EPS15: variants seen among roughly 807,000 people sequenced by gnomAD.
EPS15 encodes epidermal growth factor receptor substrate 15.
EPS15 carries 72 observed loss-of-function variants against 113.8 expected under a neutral mutation model. The observed-to-expected ratio is 0.63, with a 90% CI of 0.52 to 0.77. EPS15 has a LOEUF of 0.77. EPS15 is among the 30% of genes least tolerant of loss of function. The pLI is 0.00. For synonymous variants in EPS15, 344 were observed against 363.4 expected (o/e 0.95, Z 0.61); for missense variants, 1,048 against 1,045.8 (o/e 1.00, Z -0.03).
chr1:51,356,743 T>C lies in EPS15; in HGVS notation c.2648A>G (p.Glu883Gly). The change falls in exon 25 of 25, where the codon GAA (glutamate) becomes GGA (glycine). Residue 883 changes from glutamate (E) to glycine (G), a missense_variant. Coordinates refer to ENST00000371733, the MANE Select transcript of EPS15 (RefSeq NM_001981.3). ...AGATTTGCTGAGTGCAATAGCCAGT[T>C]CTAAGTCTTCTTGTTCCTGCTGATT... Reference protein sequence around the residue: ...RLNQQEQEDLELAIALSKSEI... With the variant: ...RLNQQEQEDLGLAIALSKSEI... 6.2e-7 allele frequency: 1 copy of C among 1,614,042 alleles called. No individual in the cohort carries two copies. The highest frequency in any genetic ancestry group is 1.3e-5 in the African/African-American group (1 of 75,062).
chr1:51,363,816 G>A (rs771333509), intron 23 of EPS15, 50 bp downstream of exon 23: 22 of 1,534,548 alleles, frequency 1.4e-5, no homozygotes, highest in Non-Finnish European at 1.9e-5. Context: ...ATACTTTTCA[G>A]AAAGAGAAAA....
At chr1:51,447,212 C>T (rs1653135478) in intron 9 of EPS15, 107 bp from the exon 10 acceptor site, 3 of 935,398 alleles carry the variant, frequency 3.2e-6, no homozygotes, top group Non-Finnish European at 4.7e-6. Flanking sequence ...ACAATTCTAC[C>T]CTACTAACTC....
rs1646208982 is a variant in EPS15 at position 51,355,947 on chromosome 1, A to G, written c.*753T>C. 5.2e-6 allele frequency: 1 copy of G among 192,376 alleles called. No homozygotes were observed. 11.9% of individuals were successfully genotyped at this position (192,376 alleles called of 1,614,324 possible). ...TCACTTAAAATGAACATTTTCTTAC[A>G]AACTTTATTTGTAAGAAACTGATTT... On this transcript the variant is annotated 3_prime_UTR_variant, in exon 25 of 25. Coordinates refer to ENST00000371733, the MANE Select transcript of EPS15 (RefSeq NM_001981.3).
At chr1:51,412,440 T>C (rs1649818196) in intron 13 of EPS15, among the ~76,000 whole-genome samples, 1 of 152,236 alleles carries the variant, frequency 6.6e-6, no homozygotes, top group Non-Finnish European at 1.5e-5. Context: ...ATCAATTATT[T>C]ACTATAATTT....
chr1:51,461,688 A>G (rs1654467251), intron 7 of EPS15: 1 of 152,242 alleles, frequency 6.6e-6, no homozygotes, highest in Non-Finnish European at 1.5e-5. Context: ...CAGTGTATTT[A>G]TAGTTTAGAA....
chr1:51,515,339 G>A (rs532052764), intron 1 of EPS15, among the ~76,000 whole-genome samples: 4 of 152,092 alleles, frequency 2.6e-5, no homozygotes, highest in African/African-American at 7.2e-5. Flanking sequence ...TGGGCATGGC[G>A]ATGCACACTT....
At chr1:51,362,499 AC>A (rs1318412973) in intron 23 of EPS15, among the ~76,000 whole-genome samples, 3 of 152,188 alleles carry the variant, frequency 2.0e-5, no homozygotes, top group Non-Finnish European at 2.9e-5. Context: ...AAACAACCTC[AC>A]TATTGGCATC....
rs1312299506 is a variant in EPS15, at chr1:51,515,875, T to C, written c.33+3324A>G. Among the ~76,000 whole-genome samples, 5 of 152,374 alleles carry C rather than the reference T, an allele frequency of 3.3e-5. No homozygotes were observed. The East Asian group carries it at 9.6e-4, about 29-fold the overall frequency. Reference sequence around the variant, plus strand: ...CTAGCTTACTTACTAGCTTCTCTAATTTGTAAAACATATCGTTAGATTCTA... The same window carrying C: ...CTAGCTTACTTACTAGCTTCTCTAACTTGTAAAACATATCGTTAGATTCTA... On this transcript the variant is annotated intron_variant, in intron 1 of 24. Coordinates refer to ENST00000371733, the MANE Select transcript of EPS15 (RefSeq NM_001981.3).
rs181946892 is a variant in EPS15 at position 51,514,376 on chromosome 1, A to T, written c.33+4823T>A. On this transcript the variant is annotated intron_variant, in intron 1 of 24. Coordinates refer to ENST00000371733, the MANE Select transcript of EPS15 (RefSeq NM_001981.3). ...TTTCCAGAGTACTGATTTTTTTTTT[A>T]AAAACTTTTATTTTAGGTTCAAGGG... Among the ~76,000 whole-genome samples, 1,341 of 139,440 alleles carry T rather than the reference A, an allele frequency of 9.6e-3. 11 individuals are homozygous for T. Among genetic ancestry groups the T allele is most frequent in the African/African-American group, 0.035 (1,217 of 34,344 alleles). The allele number at this position is 139,440 out of a possible 152,430, so 91.5% of individuals were successfully genotyped here.
chr1:51,402,169 C>CACAT lies in EPS15; in HGVS notation c.1882+262_1882+265dup, dbSNP rs537916848. 1.7e-3 allele frequency among the ~76,000 whole-genome samples: 262 copies of CACAT among 150,612 alleles called. 3 individuals are homozygous for CACAT. Among genetic ancestry groups the CACAT allele is most frequent in the East Asian group, 0.011 (55 of 5,126 alleles). On this transcript the variant is annotated intron_variant, in intron 18 of 24. Transcript: ENST00000371733. ...TTAATTACATAAATAAATAAATACACACATACATACATACATACATACATA... is the reference window on the plus strand; with the variant it reads ...TTAATTACATAAATAAATAAATACACACATACATACATACATACATACATACATA...
Position 51,519,117 on chromosome 1 carries a change from A to C in EPS15, c.33+82T>G, listed in dbSNP as rs1028671348. The C allele has an allele frequency of 8.1e-6, 8 of 992,934 alleles. No individual in the cohort carries two copies. The African/African-American group carries it at 1.4e-4, about 17-fold the overall frequency. The allele number at this position is 992,934 out of a possible 1,614,324, so 61.5% of individuals were successfully genotyped here. Reference sequence around the variant, plus strand: ...CAAGAAGCTGCCTGCTTGGCCCACAAGCCAAGAAGTCGGCGAAGCTGAGGG... The same window carrying C: ...CAAGAAGCTGCCTGCTTGGCCCACACGCCAAGAAGTCGGCGAAGCTGAGGG... On this transcript the variant is annotated intron_variant, in intron 1 of 24. Coordinates refer to ENST00000371733, the MANE Select transcript of EPS15 (RefSeq NM_001981.3).
At chr1:51,400,307 GATC>G (rs1291778825) in intron 19 of EPS15, among the ~76,000 whole-genome samples, 1 of 152,168 alleles carries the variant, frequency 6.6e-6, no homozygotes, top group Non-Finnish European at 1.5e-5. Flanking sequence ...AAGCAGTATA[GATC>G]ATTATGCTCA....
intron 18 of EPS15, 35 bp downstream of exon 18, chr1:51,402,400 G>A (rs1004926735): frequency 2.7e-6 from 3 of 1,103,212 alleles, no homozygotes; most frequent in Non-Finnish European, 4.0e-6. Context: ...TCTTTTTTTT[G>A]GGTAAATCTA....
chr1:51,408,092 A>G (rs1315301475), intron 15 of EPS15, 43 bp downstream of exon 15: 1 of 1,508,040 alleles, frequency 6.6e-7, no homozygotes, highest in Non-Finnish European at 9.2e-7. Context: ...TAAAGGACAC[A>G]GAGGATCCAT....
rs1646181029 is a variant in EPS15, at chr1:51,354,714, T to C, written c.*1986A>G. The C allele has an allele frequency of 1.1e-5, 2 of 182,786 alleles. No homozygotes were observed. The highest frequency in any genetic ancestry group is 6.3e-5 in the Admixed American group (1 of 15,964). 11.3% of individuals were successfully genotyped at this position (182,786 alleles called of 1,614,324 possible). A position where few individuals can be genotyped will look rare whatever the true frequency, so the allele number is the denominator to read the frequency against. ...TATACATATATATTTATATAATATA[T>C]ACATACTTTAATATTATGTTGGTCC... On this transcript the variant is annotated 3_prime_UTR_variant, in exon 25 of 25. Coordinates refer to ENST00000371733, the MANE Select transcript of EPS15 (RefSeq NM_001981.3).
intron 12 of EPS15, among the ~76,000 whole-genome samples, chr1:51,436,310 T>A (rs1188990665): frequency 1.3e-5 from 2 of 151,946 alleles, no homozygotes; most frequent in African/African-American, 4.8e-5. Flanking sequence ...AGTAGGATGG[T>A]CCAAAGGAGG....
chr1:51,481,909 C>A (rs1380255348), intron 1 of EPS15, among the ~76,000 whole-genome samples: 1 of 152,168 alleles, frequency 6.6e-6, no homozygotes, highest in Non-Finnish European at 1.5e-5. Context: ...GTGGCTCACA[C>A]CAGTAATCTC....
intron 21 of EPS15, among the ~76,000 whole-genome samples, chr1:51,389,999 C>T (rs1339633232): frequency 5.9e-5 from 9 of 152,278 alleles, no homozygotes; most frequent in East Asian, 3.9e-4. Context: ...AAAGAGCCTG[C>T]ATCGCCAAGT....
chr1:51,440,380 T>G lies in EPS15; in HGVS notation c.1007A>C (p.Asp336Ala). The G allele has an allele frequency of 6.3e-7, 1 of 1,592,382 alleles. No individual in the cohort carries two copies. Among genetic ancestry groups the G allele is most frequent in the Non-Finnish European group, 8.6e-7 (1 of 1,165,848 alleles). ...VADFSAIKEL[D>A]TLNNEIVDLQ... The stretch of plus-strand genomic sequence containing the variant: ...GTCAACTATTTCATTGTTAAGAGTA[T>G]CTAGTTCCTTAATAGCAGAGAAATC... The change falls in exon 12 of 25, where the codon GAT (aspartate) becomes GCT (alanine). Residue 336 changes from aspartate (D) to alanine (A), a missense_variant. Coordinates refer to ENST00000371733, the MANE Select transcript of EPS15 (RefSeq NM_001981.3).
Sources: allele counts gnomAD v4.1 joint callset (sites outside exome capture counted in the v4.1 genomes callset), GRCh38; gene constraint gnomAD v4.1.1; transcripts MANE v1.5; gene names NCBI Gene and HGNC (gene_info 2026-07-23, HGNC 2026-07-21).